The following TMEM71 variants were observed in gnomAD, a reference collection of about 807,000 sequenced individuals.
TMEM71 encodes the protein transmembrane protein 71.
In TMEM71, 44 loss-of-function variants were observed where a neutral mutation model predicts 38.0. That is an observed-to-expected ratio of 1.16 (90% confidence interval 0.91 to 1.49). The LOEUF is 1.49. TMEM71 is among the 40% of genes most tolerant of loss of function. The pLI, the probability that TMEM71 is intolerant of heterozygous loss-of-function variation, is 0.00. For missense variants in TMEM71, 367 were observed against 348.6 expected (o/e 1.05, Z -0.42); for synonymous variants, 133 against 122.5 (o/e 1.09, Z -0.56).
At chr8:132,715,749 A>G (rs554265705) in intron 7 of TMEM71, among the ~76,000 whole-genome samples, 12 of 152,360 alleles carry the variant, frequency 7.9e-5, no homozygotes, top group African/African-American at 2.6e-4. Context: ...TGATTCAGCA[A>G]CAAAAAGGAA....
chr8:132,758,216 G>T (rs918861267), intron 2 of TMEM71, among the ~76,000 whole-genome samples: 2 of 152,174 alleles, frequency 1.3e-5, no homozygotes, highest in East Asian at 3.8e-4. Flanking sequence ...GACTTTACTT[G>T]GAGAAAGTTG....
At chr8:132,744,503 C>T (rs924579845) in intron 5 of TMEM71, among the ~76,000 whole-genome samples, 17 of 152,046 alleles carry the variant, frequency 1.1e-4, no homozygotes, top group Non-Finnish European at 2.2e-4. Context: ...ACAAGAAGAA[C>T]TACAAAGAAC....
the TMEM71 span, among the ~76,000 whole-genome samples, chr8:132,772,675 A>G: frequency 2.0e-5 from 3 of 152,222 alleles, no homozygotes; most frequent in Non-Finnish European, 4.4e-5. Flanking sequence ...CAAGCTATAC[A>G]TATATACTTA....
At chr8:132,746,274 T>G (rs1828338759) in intron 5 of TMEM71, among the ~76,000 whole-genome samples, 1 of 150,022 alleles carries the variant, frequency 6.7e-6, no homozygotes, top group Non-Finnish European at 1.5e-5. Flanking sequence ...AATATTAATG[T>G]TATTACACAA....
At chr8:132,748,056 G>A (rs560592267) in intron 4 of TMEM71, among the ~76,000 whole-genome samples, 10 of 152,230 alleles carry the variant, frequency 6.6e-5, no homozygotes, top group Non-Finnish European at 1.5e-4. Flanking sequence ...GTCAAGCCCT[G>A]TGCTGAGCAC....
the TMEM71 span, among the ~76,000 whole-genome samples, chr8:132,775,908 AC>A: frequency 3.8e-4 from 57 of 150,864 alleles, 1 homozygote; most frequent in South Asian, 8.4e-4. Flanking sequence ...GTCTCGTGCC[AC>A]CCCCTCTCTG....
At chr8:132,740,897 G>C (rs1203401032) in intron 5 of TMEM71, among the ~76,000 whole-genome samples, 1 of 152,190 alleles carries the variant, frequency 6.6e-6, no homozygotes, top group Non-Finnish European at 1.5e-5. Flanking sequence ...CAGCCAGTTT[G>C]GGTTGGAGAA....
chr8:132,714,237 G>GATTTAGC (rs1342660551), intron 7 of TMEM71, 22 bp from the exon 8 acceptor site: 1 of 1,580,098 alleles, frequency 6.3e-7, no homozygotes, highest in Non-Finnish European at 8.7e-7. Flanking sequence ...AGATTGCTCT[G>GATTTAGC]ATTTAGCATA....
intron 5 of TMEM71, 21 bp from the exon 6 acceptor site, chr8:132,728,007 AGTGTGAGTGTGTGTGT>A: frequency 1.3e-6 from 2 of 1,524,860 alleles, no homozygotes; most frequent in Non-Finnish European, 1.8e-6. Flanking sequence ...AGAGGGGTTC[AGTGTGAGTGTGTGTGT>A]GTGTGTGTGT....
chr8:132,741,221 G>T (rs1167550246), intron 5 of TMEM71, among the ~76,000 whole-genome samples: 5 of 152,152 alleles, frequency 3.3e-5, no homozygotes, highest in Admixed American at 6.5e-5. Flanking sequence ...AAGTTAGCTG[G>T]GTGTGGTGGC....
At chr8:132,722,139 T>C (rs967209855) in intron 6 of TMEM71, 24 bp from the exon 7 acceptor site, 2 of 1,561,448 alleles carry the variant, frequency 1.3e-6, no homozygotes, top group Non-Finnish European at 1.8e-6. Context: ...CAAAAACAAA[T>C]AAATTAGAAA....
the TMEM71 span, among the ~76,000 whole-genome samples, chr8:132,766,065 T>C: frequency 6.6e-6 from 1 of 152,138 alleles, no homozygotes; most frequent in Non-Finnish European, 1.5e-5. Flanking sequence ...ATTACAGATA[T>C]GAGCCACCGC....
At chr8:132,728,295 G>A (rs1399256959) in intron 5 of TMEM71, among the ~76,000 whole-genome samples, 1 of 152,144 alleles carries the variant, frequency 6.6e-6, no homozygotes, top group African/African-American at 2.4e-5. Context: ...GGAAGGCAAG[G>A]AGGAGCAAAG....
chr8:132,717,808 C>A (rs1438481224), intron 7 of TMEM71, among the ~76,000 whole-genome samples: 1 of 152,158 alleles, frequency 6.6e-6, no homozygotes, highest in Non-Finnish European at 1.5e-5. Context: ...TTCATAGCAA[C>A]ATTATTCATA....
the TMEM71 span, among the ~76,000 whole-genome samples, chr8:132,773,445 C>T: frequency 6.6e-6 from 1 of 152,150 alleles, no homozygotes; most frequent in Non-Finnish European, 1.5e-5. Context: ...GGTGGATTCT[C>T]AACAAATAGT....
chr8:132,711,392 C>A (rs1826227245), intron 9 of TMEM71, among the ~76,000 whole-genome samples: 1 of 152,120 alleles, frequency 6.6e-6, no homozygotes, highest in South Asian at 2.1e-4. Flanking sequence ...GAAAATGGCT[C>A]AAAAGAATAC....
At chr8:132,709,697 A>T (rs1432584221), downstream of TMEM71, among the ~76,000 whole-genome samples, 1 of 152,130 alleles carries the variant, frequency 6.6e-6, no homozygotes, top group African/African-American at 2.4e-5. Flanking sequence ...TGGAAGCTAA[A>T]AAAGGCAAGG....
At chr8:132,738,090 G>A (rs1221145184) in intron 5 of TMEM71, among the ~76,000 whole-genome samples, 1 of 152,134 alleles carries the variant, frequency 6.6e-6, no homozygotes, top group Non-Finnish European at 1.5e-5. Context: ...ATTCATAAGA[G>A]ATATTAGAAG....
At chr8:132,728,107 T>C (rs1383246647) in intron 5 of TMEM71, 121 bp from the exon 6 acceptor site, 4 of 712,426 alleles carry the variant, frequency 5.6e-6, no homozygotes, top group Non-Finnish European at 9.0e-6. Context: ...GTAATATTGA[T>C]ACGGTATTGC....
Sources: gnomAD v4.1 joint callset for allele counts (sites outside exome capture counted in the v4.1 genomes callset) on GRCh38, gnomAD v4.1.1 for gene constraint, MANE v1.5 for transcripts, NCBI Gene and HGNC (gene_info 2026-07-23, HGNC 2026-07-21) for gene names.